The following OTOA variants were observed in gnomAD, a reference collection of about 807,000 sequenced individuals.
OTOA encodes the protein otoancorin.
Under a neutral mutation model 110.8 loss-of-function variants are expected in OTOA, and 70 were observed. That is an observed-to-expected ratio of 0.63 (90% CI 0.52 to 0.77). OTOA has a LOEUF of 0.77. OTOA is among the 30% of genes least tolerant of loss of function. The pLI, the probability that OTOA is intolerant of heterozygous loss-of-function variation, is 0.00. For missense variants in OTOA, 917 were observed against 1,075.8 expected (o/e 0.85, Z 2.06); for synonymous variants, 373 against 431.5 (o/e 0.86, Z 1.68).
chr16:21,691,112 A>G (rs1307708013), intron 8 of OTOA, among the ~76,000 whole-genome samples: 2 of 152,012 alleles, frequency 1.3e-5, no homozygotes, highest in African/African-American at 2.4e-5. Flanking sequence ...GGTGGTTTCC[A>G]GCTTCATCCA....
intron 5 of OTOA, among the ~76,000 whole-genome samples, chr16:21,679,604 C>G (rs944371535): frequency 6.6e-6 from 1 of 151,976 alleles, no homozygotes; most frequent in East Asian, 1.9e-4. Flanking sequence ...GGGTTTTCAC[C>G]ATGTTGGCCA....
intron 1 of OTOA, among the ~76,000 whole-genome samples, chr16:21,668,967 T>C (rs1050390633): frequency 6.6e-6 from 1 of 152,108 alleles, no homozygotes; most frequent in Non-Finnish European, 1.5e-5. Flanking sequence ...GGGGGTGCCA[T>C]GGGTCTCAGT....
At chr16:21,749,458 G>A (rs1356389417) in intron 24 of OTOA, among the ~76,000 whole-genome samples, 1 of 145,286 alleles carries the variant, frequency 6.9e-6, no homozygotes, top group Non-Finnish European at 1.5e-5. Context: ...AACCCTGGGG[G>A]ATGGAGGTTG....
At chr16:21,695,095 G>GT (rs1457131294) in intron 9 of OTOA, among the ~76,000 whole-genome samples, 5 of 152,072 alleles carry the variant, frequency 3.3e-5, no homozygotes, top group African/African-American at 1.2e-4. Flanking sequence ...TACTTTGGCT[G>GT]TTAAAAATAT....
intron 13 of OTOA, among the ~76,000 whole-genome samples, chr16:21,713,228 GAGA>G (rs1241570110): frequency 6.6e-6 from 1 of 152,182 alleles, no homozygotes; most frequent in Non-Finnish European, 1.5e-5. Flanking sequence ...GCCTCCCAAA[GAGA>G]AGGAGTAGGG....
At chr16:21,681,708 T>G in intron 5 of OTOA, 30 bp from the exon 6 acceptor site, 54 of 1,573,428 alleles carry the variant, frequency 3.4e-5, no homozygotes, top group Non-Finnish European at 4.3e-5. Context: ...TCTGTCATTG[T>G]GATCTTTTCC....
intron 11 of OTOA, 123 bp downstream of exon 11, chr16:21,701,150 TC>T: frequency 7.1e-7 from 1 of 1,417,618 alleles, no homozygotes; most frequent in Non-Finnish European, 9.8e-7. Context: ...CTTTGAATAG[TC>T]CCATATTTCT....
chr16:21,726,246 T>C (rs1446137382), intron 18 of OTOA, among the ~76,000 whole-genome samples: 1 of 151,912 alleles, frequency 6.6e-6, no homozygotes, highest in Non-Finnish European at 1.5e-5. Flanking sequence ...AGGGTCATGA[T>C]GGGAAGTTTG....
At chr16:21,685,979 C>A (rs905117714) in intron 7 of OTOA, among the ~76,000 whole-genome samples, 28 of 152,086 alleles carry the variant, frequency 1.8e-4, no homozygotes, top group Admixed American at 1.8e-3. Context: ...ACACAGAGAT[C>A]CTCCTGCACT....
chr16:21,679,104 G>C (rs1322451445), intron 4 of OTOA, 38 bp downstream of exon 4: 1 of 1,613,436 alleles, frequency 6.2e-7, no homozygotes, highest in Non-Finnish European at 8.5e-7. Flanking sequence ...CTTCTTCTAA[G>C]AATTTCAAAC....
At chr16:21,673,367 C>T (rs892954926) in intron 1 of OTOA, among the ~76,000 whole-genome samples, 1 of 152,072 alleles carries the variant, frequency 6.6e-6, no homozygotes, top group Non-Finnish European at 1.5e-5. Flanking sequence ...TCGTTTTCTT[C>T]AATTTTGTGA....
Position 21,722,953 on chromosome 16 carries a change from C to A in OTOA, c.1855C>A (p.Pro619Thr), listed in dbSNP as rs1181715768. The A allele has an allele frequency of 6.2e-7, 1 of 1,614,144 alleles. No individual in the cohort carries two copies. The highest frequency in any genetic ancestry group is 1.7e-5 in the Admixed American group (1 of 60,018). The change falls in exon 18 of 29, where the codon CCA (proline) becomes ACA (threonine). Residue 619 changes from proline to threonine, a missense_variant. Pro to Thr is a conservative substitution (Grantham distance 38). This residue lies in a region of OTOA where 840 missense variants were observed against 910.2 expected (regional missense o/e 0.92). Transcript: ENST00000646100. ...CTGGGAAGTTTCCAGATTGTCTATG[C>A]CACCTTTCCTCTTGGCTGCACTCCC... ...KYWEVSRLSMPPFLLAALPAR... is the reference protein window; with the variant it reads ...KYWEVSRLSMTPFLLAALPAR...
chr16:21,725,212 G>A (rs957009660), intron 18 of OTOA, among the ~76,000 whole-genome samples: 5 of 152,152 alleles, frequency 3.3e-5, no homozygotes, highest in Non-Finnish European at 2.9e-5. Context: ...TAGTTGCTTT[G>A]TAGATATTTG....
In OTOA at chr16:21,687,403, A is replaced by G. The variant is rs777449397; in HGVS notation, c.400-10A>G. The G allele has an allele frequency of 3.7e-6, 6 of 1,613,074 alleles. No homozygotes were observed. The highest frequency in any genetic ancestry group is 1.7e-5 in the Admixed American group (1 of 59,988). ...TCTCAAACTGACCCTGGCTTCTGTCATTGCTTTAGGACCTGAAAGACATCA... is the reference window on the plus strand; with the variant it reads ...TCTCAAACTGACCCTGGCTTCTGTCGTTGCTTTAGGACCTGAAAGACATCA... On this transcript the variant is annotated splice_polypyrimidine_tract_variant and intron_variant, in intron 7 of 28. Transcript: ENST00000646100.
chr16:21,685,720 G>A (rs1897700470), intron 7 of OTOA, among the ~76,000 whole-genome samples: 1 of 152,056 alleles, frequency 6.6e-6, no homozygotes, highest in South Asian at 2.1e-4. Context: ...GCACCACCAT[G>A]CCTGGCTAAT....
chr16:21,665,547 T>C (rs900698939), intron 1 of OTOA, among the ~76,000 whole-genome samples: 3 of 152,152 alleles, frequency 2.0e-5, no homozygotes, highest in African/African-American at 7.2e-5. Flanking sequence ...TGAACTCATC[T>C]GTGAAACTGA....
At chr16:21,675,202 T>C (rs1966855375) in intron 1 of OTOA, among the ~76,000 whole-genome samples, 1 of 148,154 alleles carries the variant, frequency 6.7e-6, no homozygotes, top group South Asian at 2.2e-4. Flanking sequence ...TAGGCTGGAG[T>C]GCAGTGGTGC....
At chr16:21,675,307 ATTTTTTTTTTTTTTTTTTT>A (rs57498010) in intron 1 of OTOA, among the ~76,000 whole-genome samples, 3 of 37,128 alleles carry the variant, frequency 8.1e-5, no homozygotes, top group African/African-American at 1.1e-4. Flanking sequence ...ACACCTGGCT[ATTTTTTTTTTTTTTTTTTT>A]TTTTTTTTTT....
rs1192121084 is a variant in OTOA at position 21,697,803 on chromosome 16, A to G, written c.768A>G (p.Glu256=). 2.5e-6 allele frequency: 4 copies of G among 1,614,132 alleles called. No homozygotes were observed. The South Asian group carries it at 4.4e-5, about 18-fold the overall frequency. ...ACTCTGCTTCATGGGTCAGTGCGGAACACTTATGGGTTTTGGGCAGATACA... is the reference window on the plus strand; with the variant it reads ...ACTCTGCTTCATGGGTCAGTGCGGAGCACTTATGGGTTTTGGGCAGATACA... ...TDDSASWVSA[E]HLWVLGRYMV... The change falls in exon 10 of 29, where the codon GAA becomes GAG. Residue 256 remains glutamate (E), a synonymous_variant. Coordinates refer to ENST00000646100, the MANE Select transcript of OTOA (RefSeq NM_144672.4).
Sources: allele counts gnomAD v4.1 joint callset (sites outside exome capture counted in the v4.1 genomes callset), GRCh38; gene constraint gnomAD v4.1.1; regional missense constraint gnomAD v4.1.1; transcripts MANE v1.5; gene names NCBI Gene and HGNC (gene_info 2026-07-23, HGNC 2026-07-21).